UBE3D: variants seen among roughly 807,000 people sequenced by gnomAD.
UBE3D encodes ubiquitin protein ligase E3D, also known as E3 ubiquitin-protein ligase E3D.
Under a neutral mutation model 49.6 loss-of-function variants are expected in UBE3D, and 48 were observed. The ratio of observed to expected loss-of-function variants is 0.97; its 90% CI spans 0.77 to 1.23. UBE3D has a LOEUF of 1.23. UBE3D is among the 50% of genes most tolerant of loss of function. The pLI, the probability that UBE3D is intolerant of heterozygous loss-of-function variation, is 0.00. For missense variants in UBE3D, 452 were observed against 468.4 expected, an observed-to-expected ratio of 0.96 and a Z score of 0.32; for synonymous variants, 189 against 174.2, an observed-to-expected ratio of 1.08 and a Z score of -0.67.
intron 9 of UBE3D, among the ~76,000 whole-genome samples, chr6:82,913,660 G>A (rs772891510): frequency 1.5e-4 from 23 of 152,190 alleles, no homozygotes; most frequent in African/African-American, 2.4e-5. Flanking sequence ...GGAAGGGAAG[G>A]TGATAAATCA....
intron 9 of UBE3D, among the ~76,000 whole-genome samples, chr6:82,937,219 C>T (rs1774644669): frequency 6.6e-6 from 1 of 152,162 alleles, no homozygotes; most frequent in Non-Finnish European, 1.5e-5. Context: ...GGAGGGCTCA[C>T]AAGAGGTTCT....
chr6:83,042,926 A>C (rs766903235), intron 4 of UBE3D, among the ~76,000 whole-genome samples: 10 of 152,190 alleles, frequency 6.6e-5, no homozygotes, highest in Non-Finnish European at 1.3e-4. Flanking sequence ...TCACAGGCAC[A>C]CTCTTTGGAC....
intron 9 of UBE3D, among the ~76,000 whole-genome samples, chr6:82,934,752 T>C (rs1413131098): frequency 6.6e-6 from 1 of 150,740 alleles, no homozygotes; most frequent in Non-Finnish European, 1.5e-5. Flanking sequence ...TGTTAATATC[T>C]TCATAGAGAT....
intron 8 of UBE3D, among the ~76,000 whole-genome samples, chr6:82,971,855 ATT>A (rs1777373852): frequency 6.6e-6 from 1 of 152,158 alleles, no homozygotes; most frequent in Admixed American, 6.6e-5. Context: ...AAATGGCATT[ATT>A]TATAGAAGCT....
Position 82,991,712 on chromosome 6 carries a change from C to G in UBE3D, c.1010+27261G>C, listed in dbSNP as rs1285879801. 2.0e-5 allele frequency among the ~76,000 whole-genome samples: 3 copies of G among 151,960 alleles called. No individual in the cohort carries two copies. In the East Asian group the frequency reaches 5.8e-4, roughly 29 times the overall value. On this transcript the variant is annotated intron_variant, in intron 8 of 9. Coordinates refer to ENST00000369747, the MANE Select transcript of UBE3D (RefSeq NM_198920.3). ...ATCATTTTGAAAATTAAAAAAAGAA[C>G]AAAATAAGCATAGCAATCCCTGAGC... is the stretch of plus-strand genomic sequence containing the variant.
rs149965232 is a variant in UBE3D at position 82,963,988 on chromosome 6, T to C, written c.1011-6538A>G. Reference sequence around the variant, plus strand: ...AGATACTTCAAAAGGAACAATGAACTAAACGTCAATTGAAACTTACTTCTA... The same window carrying C: ...AGATACTTCAAAAGGAACAATGAACCAAACGTCAATTGAAACTTACTTCTA... On this transcript the variant is annotated intron_variant, in intron 8 of 9. Coordinates refer to ENST00000369747, the MANE Select transcript of UBE3D (RefSeq NM_198920.3). Among the ~76,000 whole-genome samples the C allele has an allele frequency of 2.9e-3, 443 of 152,302 alleles. 2 individuals carry two copies. The highest frequency in any genetic ancestry group is 0.01 in the African/African-American group (428 of 41,566).
At chr6:83,000,399 C>A (rs1779538901) in intron 8 of UBE3D, among the ~76,000 whole-genome samples, 1 of 152,130 alleles carries the variant, frequency 6.6e-6, no homozygotes, top group South Asian at 2.1e-4. Context: ...TTCCTCAAAT[C>A]CAATCAATCA....
intron 8 of UBE3D, among the ~76,000 whole-genome samples, chr6:82,975,199 C>T (rs1426807646): frequency 1.3e-5 from 2 of 151,994 alleles, no homozygotes; most frequent in Non-Finnish European, 2.9e-5. Context: ...TAATTACTTA[C>T]AATATCAAGT....
chr6:82,891,437 A>G (rs1044297826), downstream of UBE3D, among the ~76,000 whole-genome samples: 4 of 152,214 alleles, frequency 2.6e-5, no homozygotes, highest in Admixed American at 2.6e-4. Context: ...TAAAGCATGG[A>G]AAGTCAGCAT....
intron 9 of UBE3D, among the ~76,000 whole-genome samples, chr6:82,919,028 A>G (rs138933552): frequency 0.01 from 1,577 of 152,230 alleles, 13 homozygotes; most frequent in Admixed American, 0.018. Context: ...ACTTAGATCC[A>G]TCTCCTGGTG....
At chr6:82,892,352 A>G (rs1771004533), downstream of UBE3D, 3 of 153,914 alleles carry the variant, frequency 1.9e-5, no homozygotes, top group African/African-American at 7.2e-5. Context: ...AGGTTTCCTC[A>G]CCGCTTGTGC....
intron 8 of UBE3D, among the ~76,000 whole-genome samples, chr6:83,013,810 A>G (rs1780511650): frequency 6.6e-6 from 1 of 152,228 alleles, no homozygotes; most frequent in Admixed American, 6.5e-5. Context: ...CAATAAGTCC[A>G]GTGTGTTTGC....
At chr6:83,054,903 C>T (rs1582762152) in intron 2 of UBE3D, among the ~76,000 whole-genome samples, 1 of 152,196 alleles carries the variant, frequency 6.6e-6, no homozygotes, top group African/African-American at 2.4e-5. Context: ...CTTGCCTCGG[C>T]CTCCCAAAGT....
In UBE3D at chr6:82,948,973, GC is replaced by G. The variant is rs1167015065; in HGVS notation, c.1149+8338del. Among the ~76,000 whole-genome samples the G allele has an allele frequency of 2.4e-4, 37 of 152,100 alleles. 1 individual carries two copies. The highest frequency in any genetic ancestry group is 3.7e-4 in the Non-Finnish European group (25 of 67,886). On this transcript the variant is annotated intron_variant, in intron 9 of 9. Transcript: ENST00000369747. ...CTAGGATCTGAAACATGACAAGGAT[GC>G]CCACTGCCACTGTTATTCAACATAG... is the stretch of plus-strand genomic sequence containing the variant.
chr6:83,021,981 C>T (rs1202984786), intron 7 of UBE3D, among the ~76,000 whole-genome samples: 1 of 151,976 alleles, frequency 6.6e-6, no homozygotes, highest in Non-Finnish European at 1.5e-5. Flanking sequence ...GGCACTTGAT[C>T]ATCTGTTATT....
At chr6:82,901,508 G>A (rs1473900546) in intron 9 of UBE3D, among the ~76,000 whole-genome samples, 13 of 152,176 alleles carry the variant, frequency 8.5e-5, no homozygotes, top group Non-Finnish European at 1.6e-4. Flanking sequence ...GTTTTAATAG[G>A]TTGTCCAGGT....
chr6:82,896,966 C>G (rs892050716), intron 9 of UBE3D, among the ~76,000 whole-genome samples: 12 of 151,820 alleles, frequency 7.9e-5, no homozygotes, highest in Non-Finnish European at 1.6e-4. Context: ...GTCTCGAACT[C>G]CTGACCTTGT....
intron 9 of UBE3D, among the ~76,000 whole-genome samples, chr6:82,926,034 G>A (rs79391617): frequency 7.6e-6 from 1 of 130,784 alleles, no homozygotes; most frequent in Non-Finnish European, 1.7e-5. Context: ...CCTTACTCAA[G>A]AGGATATAAA....
chr6:82,894,948 T>C (rs1015102389), intron 9 of UBE3D, among the ~76,000 whole-genome samples: 1 of 152,232 alleles, frequency 6.6e-6, no homozygotes, highest in African/African-American at 2.4e-5. Context: ...TGAAAATTGC[T>C]ATGTCATGGC....
Sources: gnomAD v4.1 joint callset for allele counts (sites outside exome capture counted in the v4.1 genomes callset) on GRCh38, gnomAD v4.1.1 for gene constraint, MANE v1.5 for transcripts, NCBI Gene and HGNC (gene_info 2026-07-23, HGNC 2026-07-21) for gene names.